Variants in IQSEC1 observed in about 807,000 individuals in gnomAD.
IQSEC1 encodes IQ motif and Sec7 domain ArfGEF 1, also known as IQ motif and SEC7 domain-containing protein 1.
A neutral mutation model predicts 91.0 loss-of-function variants in IQSEC1; 31 were observed. The observed-to-expected ratio is 0.34, with a 90% CI of 0.26 to 0.46. IQSEC1 has a LOEUF of 0.46. Among genes scored for constraint, IQSEC1 ranks in the 20% least tolerant of loss-of-function variants. The pLI is 1.00. For synonymous variants in IQSEC1, 699 were observed against 662.6 expected, an observed-to-expected ratio of 1.05 and a Z score of -0.84; for missense variants, 1,388 against 1,575.6, an observed-to-expected ratio of 0.88 and a Z score of 2.02.
intron 2 of IQSEC1, among the ~76,000 whole-genome samples, chr3:13,139,707 GAA>G (rs1706767927): frequency 1.3e-5 from 2 of 152,188 alleles, no homozygotes; most frequent in African/African-American, 2.4e-5. Flanking sequence ...GAGTTTCTTA[GAA>G]AATAAGGACA....
At chr3:13,249,527 T>C (rs569147982) in intron 1 of IQSEC1, among the ~76,000 whole-genome samples, 1 of 152,294 alleles carries the variant, frequency 6.6e-6, no homozygotes, top group South Asian at 2.1e-4. Flanking sequence ...GTTTATTCTA[T>C]TTCTATCCCT....
At position 12,940,599 on chromosome 3, in the gene IQSEC1, G is replaced by A. The variant is rs549793706; in HGVS notation, c.318+972C>T. Among the ~76,000 whole-genome samples the A allele has an allele frequency of 1.3e-5, 2 of 151,860 alleles. No individual in the cohort carries two copies. Among genetic ancestry groups the A allele is most frequent in the African/African-American group, 4.8e-5 (2 of 41,424 alleles). ...GAGGCAGCTGCCTGGGCATCTGGAGGAGCTGTCTAGAGCTCAGTGCCCAGG... is the reference window on the plus strand; with the variant it reads ...GAGGCAGCTGCCTGGGCATCTGGAGAAGCTGTCTAGAGCTCAGTGCCCAGG... On this transcript the variant is annotated intron_variant, in intron 2 of 13. Coordinates refer to ENST00000613206, the MANE Select transcript of IQSEC1 (RefSeq NM_001134382.3). This position sits in a 1 kb window ranked among gnomAD's most constrained non-coding sequence, Gnocchi z 4.4.
intron 1 of IQSEC1, among the ~76,000 whole-genome samples, chr3:13,059,290 T>C (rs1392125149): frequency 6.6e-6 from 1 of 151,226 alleles, no homozygotes; most frequent in African/African-American, 2.4e-5. Context: ...TATGGTCTAC[T>C]ATGCCTTTGA....
At chr3:12,903,387 G>T (rs911473272) in intron 12 of IQSEC1, among the ~76,000 whole-genome samples, 1 of 152,240 alleles carries the variant, frequency 6.6e-6, no homozygotes, top group African/African-American at 2.4e-5. Flanking sequence ...CTGCCCGCAG[G>T]AGCTCAGTTT....
chr3:12,991,922 G>A lies in IQSEC1; in HGVS notation c.24-50057C>T, dbSNP rs115800830. 1.5e-3 allele frequency among the ~76,000 whole-genome samples: 228 copies of A among 152,276 alleles called. 1 individual carries two copies. Among genetic ancestry groups the A allele is most frequent in the African/African-American group, 5.1e-3 (211 of 41,556 alleles). On this transcript the variant is annotated intron_variant, in intron 1 of 13. Transcript: ENST00000613206. ...TGGTCAGAGCAGCGGCTGGAAGGGC[G>A]GGCTGCCATGGGCCCTTTAAGCAGC...
At chr3:12,991,362 G>A (rs1701981490) in intron 1 of IQSEC1, among the ~76,000 whole-genome samples, 1 of 152,164 alleles carries the variant, frequency 6.6e-6, no homozygotes, top group African/African-American at 2.4e-5. Context: ...AGAAAATGCT[G>A]CTCCCACAAG....
intron 2 of IQSEC1, among the ~76,000 whole-genome samples, chr3:13,105,165 C>T (rs1398206439): frequency 6.6e-6 from 1 of 152,134 alleles, no homozygotes; most frequent in Non-Finnish European, 1.5e-5. Context: ...CCACAAGGAA[C>T]CTCTACACGG....
intron 1 of IQSEC1, among the ~76,000 whole-genome samples, chr3:13,181,144 G>A (rs772110426): frequency 2.0e-5 from 3 of 152,156 alleles, no homozygotes; most frequent in Non-Finnish European, 4.4e-5. Flanking sequence ...GGTGGCGGGC[G>A]CCTGTAGTCC....
chr3:13,060,064 C>A (rs1232847905), intron 1 of IQSEC1, among the ~76,000 whole-genome samples: 1 of 152,204 alleles, frequency 6.6e-6, no homozygotes, highest in Non-Finnish European at 1.5e-5. Flanking sequence ...CTACGATGTG[C>A]TGAGTGCCAC....
chr3:12,942,507 G>A (rs1698846318), intron 1 of IQSEC1, among the ~76,000 whole-genome samples: 1 of 151,966 alleles, frequency 6.6e-6, no homozygotes, highest in African/African-American at 2.4e-5. Flanking sequence ...GGAGGCTGAG[G>A]CAGGAGAATA....
upstream of IQSEC1, among the ~76,000 whole-genome samples, chr3:13,076,735 G>C (rs914625558): frequency 3.9e-5 from 6 of 152,086 alleles, no homozygotes; most frequent in Non-Finnish European, 7.4e-5. Context: ...CTTCAAGTCT[G>C]GGGACTTTAT....
At position 12,898,150 on chromosome 3, in the gene IQSEC1, A is replaced by G. The variant is rs1693833712; in HGVS notation, c.*2833T>C. The G allele has an allele frequency of 6.6e-6, 1 of 152,252 alleles. No individual in the cohort carries two copies. Among genetic ancestry groups the G allele is most frequent in the African/African-American group, 2.4e-5 (1 of 41,446 alleles). The allele number at this position is 152,252 out of a possible 1,614,324, so 9.4% of individuals were successfully genotyped here. ...TCGGCCTCCTCCTGCCTCCCCTCCC[A>G]GGGGATGTGATGACAGGACCCCGAA... On this transcript the variant is annotated 3_prime_UTR_variant, in exon 14 of 14. Coordinates refer to ENST00000613206, the MANE Select transcript of IQSEC1 (RefSeq NM_001134382.3).
intron 1 of IQSEC1, among the ~76,000 whole-genome samples, chr3:12,955,022 G>T (rs1699812418): frequency 6.6e-6 from 1 of 152,206 alleles, no homozygotes. Context: ...GAGAACAGGG[G>T]CTCAACAGTC....
intron 2 of IQSEC1, among the ~76,000 whole-genome samples, chr3:13,107,980 C>T (rs1706181158): frequency 6.6e-6 from 1 of 152,200 alleles, no homozygotes; most frequent in South Asian, 2.1e-4. Context: ...CCGCATGCTG[C>T]CACTCGTATC....
chr3:12,999,086 T>C (rs764824902), intron 1 of IQSEC1, among the ~76,000 whole-genome samples: 1 of 152,236 alleles, frequency 6.6e-6, no homozygotes, highest in Non-Finnish European at 1.5e-5. Flanking sequence ...AACTAATTTC[T>C]GAGTGGGGAG....
intron 2 of IQSEC1, among the ~76,000 whole-genome samples, chr3:13,158,571 C>G (rs542441531): frequency 6.6e-6 from 1 of 152,352 alleles, no homozygotes; most frequent in African/African-American, 2.4e-5. Context: ...TCCTTGGGCT[C>G]TCCTCATTGT....
intron 6 of IQSEC1, among the ~76,000 whole-genome samples, chr3:12,918,341 T>C (rs1315478732): frequency 6.6e-6 from 1 of 152,160 alleles, no homozygotes; most frequent in Non-Finnish European, 1.5e-5. Flanking sequence ...CTGGCAGTAC[T>C]GGGTGCAACC....
At chr3:13,194,768 T>A (rs1159261817) in intron 1 of IQSEC1, among the ~76,000 whole-genome samples, 2 of 152,072 alleles carry the variant, frequency 1.3e-5, no homozygotes, top group Non-Finnish European at 2.9e-5. Context: ...AAACAGGGAA[T>A]TACGGCACCG....
intron 1 of IQSEC1, among the ~76,000 whole-genome samples, chr3:13,014,113 G>A (rs1228890374): frequency 6.6e-6 from 1 of 152,154 alleles, no homozygotes; most frequent in African/African-American, 2.4e-5. Context: ...CCAGAGCCCT[G>A]GGCTCTGAGC....
Sources: gnomAD v4.1 joint callset for allele counts (sites outside exome capture counted in the v4.1 genomes callset) on GRCh38, gnomAD v4.1.1 for gene constraint, Gnocchi (gnomAD v3.1) non-coding constraint, MANE v1.5 for transcripts, NCBI Gene and HGNC (gene_info 2026-07-23, HGNC 2026-07-21) for gene names.